BPTF: variants seen among roughly 807,000 people sequenced by gnomAD.
BPTF encodes the protein nucleosome-remodeling factor subunit BPTF.
In BPTF, 18 loss-of-function variants were observed where a neutral mutation model predicts 292.5. The observed-to-expected ratio is 0.06, with a 90% CI of 0.04 to 0.09. The LOEUF (loss-of-function observed/expected upper bound fraction) is 0.09. Ranked by LOEUF, BPTF falls within the 10% of genes least tolerant of loss-of-function variation. The pLI, the probability that BPTF is intolerant of heterozygous loss-of-function variation, is 1.00. For synonymous variants in BPTF, 1,225 were observed against 1,251.9 expected (o/e 0.98, Z 0.45); for missense variants, 2,726 against 3,498.7 (o/e 0.78, Z 5.57).
In BPTF at chr17:67,909,574, C is replaced by T. The variant is rs1468590861; in HGVS notation, c.2813-8C>T. On this transcript the variant is annotated splice_region_variant and splice_polypyrimidine_tract_variant and intron_variant, in intron 9 of 27. Transcript: ENST00000306378. ...TAACGTAAATTATCGTTACATGGTT[C>T]TTTTTAGCCAAAAATAATATGGATG... 6 of 1,519,514 alleles carry T rather than the reference C, an allele frequency of 3.9e-6. No homozygotes were observed. Among genetic ancestry groups the T allele is most frequent in the Non-Finnish European group, 4.4e-6 (5 of 1,132,580 alleles). The allele number at this position is 1,519,514 out of a possible 1,614,324, so 94.1% of individuals were successfully genotyped here.
intron 11 of BPTF, among the ~76,000 whole-genome samples, chr17:67,917,175 C>G (rs993752276): frequency 1.6e-5 from 2 of 126,142 alleles, no homozygotes; most frequent in African/African-American, 2.9e-5. Context: ...CACTGCCGCC[C>G]GAGGTGGAGT....
intron 4 of BPTF, among the ~76,000 whole-genome samples, chr17:67,876,576 C>T (rs549735457): frequency 1.3e-5 from 2 of 152,226 alleles, no homozygotes; most frequent in Admixed American, 6.5e-5. Flanking sequence ...GAGGCCTAGG[C>T]GGGCAGATCA....
At chr17:67,904,897 A>C (rs1175058228) in intron 9 of BPTF, 57 bp downstream of exon 9, 3 of 1,363,700 alleles carry the variant, frequency 2.2e-6, no homozygotes, top group Non-Finnish European at 3.0e-6. Context: ...ATTTCTTATA[A>C]ATTTGTAGTA....
chr17:67,948,678 CAT>C (rs1254403250), intron 23 of BPTF, among the ~76,000 whole-genome samples: 7 of 152,178 alleles, frequency 4.6e-5, no homozygotes, highest in African/African-American at 1.4e-4. Context: ...TGAAAAATAA[CAT>C]GAGTCCATTA....
In BPTF at chr17:67,945,736, T is replaced by C; in HGVS notation, c.7028T>C (p.Val2343Ala). ...GTCCAAGGACAGTCTCCTGTTCGTG[T>C]CCAAAGTCCATCACAGACTCGAATA... The part of the protein sequence containing the change: ...SNVQGQSPVR[V>A]QSPSQTRIRP... The change falls in exon 21 of 28, where the codon GTC (valine) becomes GCC (alanine). Residue 2343 changes from valine (V) to alanine (A), a missense_variant. Around this residue, in one of 22 missense-constraint regions of BPTF, gnomAD observed 570 missense variants for 633.5 expected, o/e 0.90. Transcript: ENST00000306378. 1.2e-6 allele frequency: 2 copies of C among 1,614,110 alleles called. No individual in the cohort carries two copies. The highest frequency in any genetic ancestry group is 1.7e-6 in the Non-Finnish European group (2 of 1,180,018).
intron 4 of BPTF, among the ~76,000 whole-genome samples, chr17:67,889,536 A>T (rs2060968272): frequency 6.6e-6 from 1 of 152,182 alleles, no homozygotes; most frequent in Admixed American, 6.5e-5. Flanking sequence ...GGCCAGGCGC[A>T]GTGGCTCACG....
At chr17:67,892,604 AT>A (rs1417303626) in intron 5 of BPTF, among the ~76,000 whole-genome samples, 1 of 152,102 alleles carries the variant, frequency 6.6e-6, no homozygotes, top group Admixed American at 6.5e-5. Flanking sequence ...TTCGAGAATT[AT>A]TTGCAGGGTA....
intron 1 of BPTF, among the ~76,000 whole-genome samples, chr17:67,844,522 C>G (rs2144594395): frequency 6.6e-6 from 1 of 151,886 alleles, no homozygotes; most frequent in Middle Eastern, 3.4e-3. Context: ...GCTGGGATTA[C>G]AGGCGTGAGC....
rs56335701 is a variant in BPTF, at chr17:67,843,754, C to CTTTTTTTTTT, written c.614-10167_614-10158dup. Among the ~76,000 whole-genome samples the CTTTTTTTTTT allele has an allele frequency of 1.3e-4, 8 of 62,228 alleles. 1 individual carries two copies. Among genetic ancestry groups the CTTTTTTTTTT allele is most frequent in the African/African-American group, 6.7e-4 (8 of 11,926 alleles). The allele number at this position is 62,228 out of a possible 152,430, so 40.8% of individuals were successfully genotyped here. A position where few individuals can be genotyped will look rare whatever the true frequency, so the allele number is the denominator to read the frequency against. On this transcript the variant is annotated intron_variant, in intron 1 of 27. Transcript: ENST00000306378. ...TTTTTAAATTGTCTGGAGCAGTTGT[C>CTTTTTTTTTT]TTTTTTTTTTTTTTTTTTTTTTTTT... is the stretch of plus-strand genomic sequence containing the variant.
At chr17:67,924,119 C>T (rs2063669706) in intron 14 of BPTF, among the ~76,000 whole-genome samples, 1 of 152,192 alleles carries the variant, frequency 6.6e-6, no homozygotes, top group South Asian at 2.1e-4. Context: ...CTGCCTCAGG[C>T]AGGTGGCCAC....
chr17:67,911,435 C>T lies in BPTF; in HGVS notation c.3551C>T (p.Ser1184Phe). ...SPETKCPKQN[S>F]IENDIEEKVS... is the part of the protein sequence containing the mutation. ...GAAACAAAATGTCCGAAACAAAATT[C>T]CATTGAAAATGACATAGAAGAAAAA... The change falls in exon 11 of 28, where the codon TCC (serine) becomes TTC (phenylalanine). Residue 1184 changes from serine (S) to phenylalanine (F), a missense_variant. Transcript: ENST00000306378. 1 of 1,614,074 alleles carries T rather than the reference C, an allele frequency of 6.2e-7. No individual in the cohort carries two copies. Among genetic ancestry groups the T allele is most frequent in the Non-Finnish European group, 8.5e-7 (1 of 1,180,008 alleles).
chr17:67,947,747 G>A lies in BPTF; in HGVS notation c.7639G>A (p.Val2547Ile). 1 of 1,554,940 alleles carries A rather than the reference G, an allele frequency of 6.4e-7. No individual in the cohort carries two copies. The highest frequency in any genetic ancestry group is 2.4e-5 in the East Asian group (1 of 41,644). ...GAAGGTGGTGATGAAGCATAATGCT[G>A]TAATAGAACATTTAAAACAGAAAAA... ...QKQVVMKHNA[V>I]IEHLKQKKSM... The change falls in exon 22 of 28, where the codon GTA becomes ATA. Residue 2547 changes from valine to isoleucine, a missense_variant. By Grantham distance (29) the Val-to-Ile change is conservative. Transcript: ENST00000306378.
intron 16 of BPTF, chr17:67,928,857 C>A: frequency 1.0e-6 from 1 of 986,806 alleles, no homozygotes; most frequent in Non-Finnish European, 1.3e-6. Context: ...ATTAAAAATA[C>A]AAAATGAGCC....
chr17:67,960,917 CAG>C (rs2067419427), intron 24 of BPTF, among the ~76,000 whole-genome samples: 1 of 152,192 alleles, frequency 6.6e-6, no homozygotes, highest in South Asian at 2.1e-4. Flanking sequence ...CTGAATTAAA[CAG>C]AAATCAATTT....
At chr17:67,934,870 C>CAA (rs569120237) in intron 18 of BPTF, among the ~76,000 whole-genome samples, 19,797 of 90,502 alleles carry the variant, frequency 0.22, 3,505 homozygotes, top group East Asian at 0.63. Context: ...AACTCTGTCT[C>CAA]AAAAAAAAAA....
intron 26 of BPTF, among the ~76,000 whole-genome samples, chr17:67,972,577 A>G (rs1308943184): frequency 6.6e-6 from 1 of 152,104 alleles, no homozygotes; most frequent in Non-Finnish European, 1.5e-5. Context: ...AAGACAAGTA[A>G]AAGTTTCATA....
intron 10 of BPTF, 103 bp from the exon 11 acceptor site, chr17:67,910,774 T>A: frequency 1.2e-6 from 1 of 849,546 alleles, no homozygotes; most frequent in Non-Finnish European, 1.6e-6. Flanking sequence ...CACTCCAGCC[T>A]GGGCAACAGA....
chr17:67,973,374 GA>G (rs1555692059), intron 26 of BPTF, among the ~76,000 whole-genome samples: 1 of 147,388 alleles, frequency 6.8e-6, no homozygotes. Context: ...ACTGTCTCAA[GA>G]AAAAAAAATA....
At chr17:67,888,460 T>C (rs151008626) in intron 4 of BPTF, among the ~76,000 whole-genome samples, 36 of 151,890 alleles carry the variant, frequency 2.4e-4, no homozygotes, top group African/African-American at 8.4e-4. Context: ...CATGGTGGTG[T>C]GTGCCTGTAA....
Sources: gnomAD v4.1 joint callset for allele counts (sites outside exome capture counted in the v4.1 genomes callset) on GRCh38, gnomAD v4.1.1 for gene constraint, gnomAD v4.1.1 regional missense constraint, MANE v1.5 for transcripts, NCBI Gene and HGNC (gene_info 2026-07-23, HGNC 2026-07-21) for gene names.